MAP3K5: variants seen among roughly 807,000 people sequenced by gnomAD.
The protein encoded by MAP3K5 is mitogen-activated protein kinase kinase kinase 5, also known as ASK-1.
MAP3K5 carries 56 observed loss-of-function variants against 158.7 expected under a neutral mutation model. The ratio of observed to expected loss-of-function variants is 0.35; its 90% CI spans 0.28 to 0.44. The LOEUF (loss-of-function observed/expected upper bound fraction) is 0.44. MAP3K5 is among the 20% of genes least tolerant of loss of function. MAP3K5 has a pLI of 1.00. For synonymous variants in MAP3K5, 579 were observed against 601.7 expected (o/e 0.96, Z 0.55); for missense variants, 1,294 against 1,674.8 (o/e 0.77, Z 3.97).
At chr6:136,636,835 T>C (rs1777660428) in intron 14 of MAP3K5, 1 of 986,198 alleles carries the variant, frequency 1.0e-6, no homozygotes, top group African/African-American at 1.7e-5. Context: ...CTGTGTCCAT[T>C]AGACATTAAT....
At chr6:136,582,218 G>A (rs1327168314) in intron 24 of MAP3K5, among the ~76,000 whole-genome samples, 5 of 152,064 alleles carry the variant, frequency 3.3e-5, no homozygotes, top group African/African-American at 1.2e-4. Flanking sequence ...ATCCTGGACA[G>A]TGAATGAGCA....
At chr6:136,560,037 T>C (rs1830436296) in intron 28 of MAP3K5, among the ~76,000 whole-genome samples, 1 of 151,952 alleles carries the variant, frequency 6.6e-6, no homozygotes, top group Non-Finnish European at 1.5e-5. Flanking sequence ...AAAGAAGAGA[T>C]ATCTTTATTC....
intron 2 of MAP3K5, among the ~76,000 whole-genome samples, chr6:136,716,550 T>C (rs1319379412): frequency 2.7e-5 from 4 of 150,262 alleles, no homozygotes; most frequent in East Asian, 2.0e-4. Flanking sequence ...TTAAAACAAC[T>C]TCCTCACTCT....
intron 10 of MAP3K5, among the ~76,000 whole-genome samples, chr6:136,651,960 G>A (rs545049324): frequency 6.6e-6 from 1 of 152,120 alleles, no homozygotes; most frequent in East Asian, 1.9e-4. Context: ...ACTTCACTAG[G>A]AATGTTTAAA....
chr6:136,581,354 T>C (rs1157439246), intron 24 of MAP3K5, among the ~76,000 whole-genome samples: 3 of 152,216 alleles, frequency 2.0e-5, no homozygotes, highest in African/African-American at 7.2e-5. Context: ...TGCATTACCT[T>C]TGTAAAAACA....
intron 24 of MAP3K5, among the ~76,000 whole-genome samples, chr6:136,583,333 G>A (rs1774972528): frequency 6.6e-6 from 1 of 152,150 alleles, no homozygotes; most frequent in African/African-American, 2.4e-5. Context: ...ATTTTCCATG[G>A]TGATTTGGTT....
chr6:136,612,684 G>A (rs1416374962), intron 17 of MAP3K5, among the ~76,000 whole-genome samples: 1 of 152,130 alleles, frequency 6.6e-6, no homozygotes, highest in Non-Finnish European at 1.5e-5. Context: ...ATGAATATGT[G>A]ATACTTGTGA....
chr6:136,594,266 G>T (rs1219641475), intron 21 of MAP3K5, among the ~76,000 whole-genome samples: 1 of 152,190 alleles, frequency 6.6e-6, no homozygotes, highest in Non-Finnish European at 1.5e-5. Context: ...CAGCAGAAAG[G>T]AAATGGGTGA....
chr6:136,730,792 G>T (rs1228839238), intron 1 of MAP3K5, among the ~76,000 whole-genome samples: 1 of 151,080 alleles, frequency 6.6e-6, no homozygotes, highest in African/African-American at 2.4e-5. Context: ...AGATGAGGTT[G>T]TCAACTTAGA....
Position 136,592,487 on chromosome 6 carries a change from G to T in MAP3K5, c.3006C>A (p.Ala1002=), listed in dbSNP as rs776096074. Residue 1002 remains alanine (A), a synonymous_variant, in exon 22 of 30, where the codon GCC becomes GCA. Transcript: ENST00000359015. ...TGACATCTCTTTCTCCGCAGGACTT[G>T]GCTCTTGTTTTGAAAGAGAAGGGGT... ...KVDPFSFKTR[A]KSCGERDVKG... 1.4e-5 allele frequency: 23 copies of T among 1,613,942 alleles called. No homozygotes were observed. Among genetic ancestry groups the T allele is most frequent in the Non-Finnish European group, 1.9e-5 (22 of 1,180,032 alleles).
At chr6:136,747,889 A>T (rs975154684) in intron 1 of MAP3K5, among the ~76,000 whole-genome samples, 1 of 152,212 alleles carries the variant, frequency 6.6e-6, no homozygotes, top group Non-Finnish European at 1.5e-5. Context: ...GGTAAAAAGG[A>T]ATGCTTTCAG....
At chr6:136,788,100 T>G (rs1582706886) in intron 1 of MAP3K5, among the ~76,000 whole-genome samples, 1 of 152,174 alleles carries the variant, frequency 6.6e-6, no homozygotes, top group Non-Finnish European at 1.5e-5. Context: ...TAGGGCAGAG[T>G]TGAGAAGTTG....
chr6:136,758,222 ATCT>A (rs1206171962), intron 1 of MAP3K5, among the ~76,000 whole-genome samples: 3 of 152,210 alleles, frequency 2.0e-5, no homozygotes, highest in South Asian at 2.1e-4. Context: ...TTTAAAAGTA[ATCT>A]TCTTTGCCCT....
chr6:136,635,433 ACTT>A (rs1209969806), intron 14 of MAP3K5, among the ~76,000 whole-genome samples: 1 of 152,192 alleles, frequency 6.6e-6, no homozygotes, highest in African/African-American at 2.4e-5. Context: ...AGTATCTATT[ACTT>A]CTATAGACAG....
At chr6:136,581,541 TTAATCACCATC>T (rs1190056850) in intron 24 of MAP3K5, among the ~76,000 whole-genome samples, 14 of 152,306 alleles carry the variant, frequency 9.2e-5, no homozygotes, top group African/African-American at 3.4e-4. Flanking sequence ...TTCCAAAAAT[TTAATCACCATC>T]CCTACTGCAG....
Position 136,651,111 on chromosome 6 carries a change from G to T in MAP3K5, c.1681-20C>A. 1.5e-6 allele frequency: 2 copies of T among 1,332,218 alleles called. No homozygotes were observed. Among genetic ancestry groups the T allele is most frequent in the Non-Finnish European group, 2.1e-6 (2 of 932,812 alleles). 82.5% of individuals were successfully genotyped at this position (1,332,218 alleles called of 1,614,324 possible). A position where few individuals can be genotyped will look rare whatever the true frequency, so the allele number is the denominator to read the frequency against. Reference sequence around the variant, plus strand: ...TAATACCTTGAAAAGATACGGCAAAGAAACTAATATCAGTGACTTAAGACT... The same window carrying T: ...TAATACCTTGAAAAGATACGGCAAATAAACTAATATCAGTGACTTAAGACT... On this transcript the variant is annotated intron_variant, in intron 10 of 29. Transcript: ENST00000359015.
At chr6:136,677,944 C>G (rs992141221) in intron 7 of MAP3K5, among the ~76,000 whole-genome samples, 7 of 152,132 alleles carry the variant, frequency 4.6e-5, no homozygotes, top group African/African-American at 1.7e-4. Context: ...CTAATTCTGA[C>G]AACTCTTTAA....
At chr6:136,583,832 T>C in intron 23 of MAP3K5, 92 bp from the exon 24 acceptor site, 10 of 1,254,750 alleles carry the variant, frequency 8.0e-6, no homozygotes, top group African/African-American at 1.5e-5. Flanking sequence ...CCCCACATTT[T>C]TTTTTCTTTT....
chr6:136,586,525 C>T (rs758206185), intron 23 of MAP3K5, among the ~76,000 whole-genome samples: 2 of 152,210 alleles, frequency 1.3e-5, no homozygotes, highest in African/African-American at 2.4e-5. Flanking sequence ...TGTTAACTCA[C>T]TCATGTGCCT....
Sources: gnomAD v4.1 joint callset for allele counts (sites outside exome capture counted in the v4.1 genomes callset) on GRCh38, gnomAD v4.1.1 for gene constraint, MANE v1.5 for transcripts, NCBI Gene and HGNC (gene_info 2026-07-23, HGNC 2026-07-21) for gene names.